Variants in RPAP2 observed in about 807,000 individuals in gnomAD.
The protein encoded by RPAP2 is putative RNA polymerase II subunit B1 CTD phosphatase RPAP2.
In RPAP2, 52 loss-of-function variants were observed where a neutral mutation model predicts 73.1. That is an observed-to-expected ratio of 0.71 (90% CI 0.57 to 0.90). The LOEUF is 0.90. Ranked by LOEUF, RPAP2 falls within the 40% of genes least tolerant of loss-of-function variation. The pLI, the probability that RPAP2 is intolerant of heterozygous loss-of-function variation, is 0.00. For missense variants in RPAP2, 598 were observed against 701.8 expected, an observed-to-expected ratio of 0.85 and a Z score of 1.67; for synonymous variants, 225 against 242.1, an observed-to-expected ratio of 0.93 and a Z score of 0.65.
Position 92,324,039 on chromosome 1 carries a change from T to C in RPAP2, c.1119T>C (p.Thr373=), listed in dbSNP as rs1472195864. 1 of 1,613,970 alleles carries C rather than the reference T, an allele frequency of 6.2e-7. No individual in the cohort carries two copies. The highest frequency in any genetic ancestry group is 8.5e-7 in the Non-Finnish European group (1 of 1,179,928). The part of the protein sequence containing the change: ...KRNLLKVLKE[T]LIEWKTEETL... ...ACTTACTTAAAGTTTTGAAGGAGAC[T>C]TTGATTGAGTGGAAGACAGAAGAAA... The change falls in exon 8 of 13, where the codon ACT becomes ACC. Residue 373 remains threonine (T), a synonymous_variant. Transcript: ENST00000610020.
In RPAP2 at chr1:92,390,216, C is replaced by T. The variant is rs1463440402; in HGVS notation, c.*3205C>T. 2.6e-5 allele frequency: 4 copies of T among 152,182 alleles called. No homozygotes were observed. The highest frequency in any genetic ancestry group is 7.2e-5 in the African/African-American group (3 of 41,454). The allele number at this position is 152,182 out of a possible 1,614,324, so 9.4% of individuals were successfully genotyped here. A position where few individuals can be genotyped will look rare whatever the true frequency, so the allele number is the denominator to read the frequency against. On this transcript the variant is annotated 3_prime_UTR_variant, in exon 13 of 13. Coordinates refer to ENST00000610020, the MANE Select transcript of RPAP2 (RefSeq NM_024813.3). ...GACCTCTGGGCAGAAACCCTACAAG[C>T]CAGAAGAGAATGGGGGCCAATATTC...
intron 11 of RPAP2, among the ~76,000 whole-genome samples, chr1:92,351,847 AT>A (rs1291598220): frequency 3.3e-5 from 5 of 152,096 alleles, no homozygotes; most frequent in African/African-American, 1.2e-4. Context: ...TTCCTCCCAA[AT>A]TTAATATAAA....
At chr1:92,347,568 A>C (rs72960815) in intron 11 of RPAP2, among the ~76,000 whole-genome samples, 8,064 of 152,268 alleles carry the variant, frequency 0.053, 570 homozygotes, top group African/African-American at 0.17. Context: ...CTGTTTTTGG[A>C]TTAAGTTTTT....
intron 11 of RPAP2, among the ~76,000 whole-genome samples, chr1:92,355,472 C>T (rs1251805824): frequency 1.3e-5 from 2 of 152,124 alleles, no homozygotes; most frequent in Non-Finnish European, 2.9e-5. Context: ...GTATATTTAG[C>T]ATAGGAAACA....
chr1:92,299,229 T>A, intron 1 of RPAP2, 83 bp downstream of exon 1: 1 of 819,318 alleles, frequency 1.2e-6, no homozygotes, highest in Non-Finnish European at 1.8e-6. Flanking sequence ...GCGCGGGCGC[T>A]CCTGAAAGGC....
At chr1:92,366,724 A>C (rs1654950883) in intron 11 of RPAP2, among the ~76,000 whole-genome samples, 1 of 152,226 alleles carries the variant, frequency 6.6e-6, no homozygotes, top group South Asian at 2.1e-4. Flanking sequence ...TCTAACATAC[A>C]GATAAAATTC....
intron 11 of RPAP2, among the ~76,000 whole-genome samples, chr1:92,358,850 G>T (rs1292842396): frequency 1.3e-5 from 2 of 152,142 alleles, no homozygotes; most frequent in Non-Finnish European, 2.9e-5. Context: ...GCCTCCCAAA[G>T]TGCTGGGATT....
At chr1:92,335,944 A>G (rs887321247) in intron 9 of RPAP2, among the ~76,000 whole-genome samples, 1 of 152,190 alleles carries the variant, frequency 6.6e-6, no homozygotes, top group South Asian at 2.1e-4. Flanking sequence ...ATTGCTTCCT[A>G]AAAAGGTACT....
At chr1:92,309,211 A>T (rs1557591369) in intron 6 of RPAP2, among the ~76,000 whole-genome samples, 1 of 152,080 alleles carries the variant, frequency 6.6e-6, no homozygotes. Context: ...TGGGAGGCCG[A>T]GGGGGGCAGA....
In RPAP2 at chr1:92,300,216, G is replaced by A; in HGVS notation, c.96G>A (p.Leu32=). Residue 32 remains leucine, a synonymous_variant, in exon 2 of 13, where the codon TTG becomes TTA. Coordinates refer to ENST00000610020, the MANE Select transcript of RPAP2 (RefSeq NM_024813.3). ...KAAGTKQTST[L]KQEDASKRKA... ...TAGGTACTAAACAGACAAGTACTTT[G>A]AAACAAGAAGATGCTTCTAAAAGGT... is the stretch of plus-strand genomic sequence containing the variant. 3.7e-6 allele frequency: 6 copies of A among 1,610,166 alleles called. No individual in the cohort carries two copies. The highest frequency in any genetic ancestry group is 5.1e-6 in the Non-Finnish European group (6 of 1,176,878).
chr1:92,344,686 A>T, intron 10 of RPAP2, among the ~76,000 whole-genome samples: 1 of 152,182 alleles, frequency 6.6e-6, no homozygotes, highest in East Asian at 1.9e-4. Flanking sequence ...CCAAATTGTC[A>T]TTCAATTGCT....
intron 12 of RPAP2, among the ~76,000 whole-genome samples, chr1:92,386,579 A>G (rs977554178): frequency 6.6e-6 from 1 of 152,162 alleles, no homozygotes; most frequent in Admixed American, 6.5e-5. Context: ...AGCTCAGTCT[A>G]CTCCACCCAA....
intron 11 of RPAP2, among the ~76,000 whole-genome samples, chr1:92,346,122 T>C (rs1023768661): frequency 9.2e-5 from 14 of 152,154 alleles, no homozygotes; most frequent in African/African-American, 3.4e-4. Flanking sequence ...TCTTTTCTTC[T>C]GAATACCTTA....
intron 7 of RPAP2, among the ~76,000 whole-genome samples, chr1:92,320,919 G>C (rs1043719872): frequency 6.6e-6 from 1 of 152,170 alleles, no homozygotes; most frequent in African/African-American, 2.4e-5. Context: ...CAGATACCAT[G>C]CTTCTTTGTC....
At chr1:92,306,496 C>A (rs1651244311) in intron 5 of RPAP2, among the ~76,000 whole-genome samples, 1 of 152,104 alleles carries the variant, frequency 6.6e-6, no homozygotes, top group South Asian at 2.1e-4. Context: ...AATACTCTAA[C>A]AATGGAATGT....
intron 11 of RPAP2, among the ~76,000 whole-genome samples, chr1:92,361,864 C>CA (rs1386679847): frequency 6.6e-6 from 1 of 150,918 alleles, no homozygotes; most frequent in Non-Finnish European, 1.5e-5. Flanking sequence ...TGTGGACTGA[C>CA]AAAATAGAAG....
chr1:92,323,380 C>A, intron 7 of RPAP2, 65 bp from the exon 8 acceptor site: 1 of 1,202,424 alleles, frequency 8.3e-7, no homozygotes. Flanking sequence ...CTTTACTTTT[C>A]TATTGTTTTC....
chr1:92,345,379 T>TAAAAAA (rs57025975), intron 10 of RPAP2, among the ~76,000 whole-genome samples: 5 of 73,770 alleles, frequency 6.8e-5, no homozygotes, highest in Admixed American at 1.8e-4. Context: ...CCCGTTTCTT[T>TAAAAAA]AAAAAAAAAA....
intron 11 of RPAP2, 105 bp from the exon 12 acceptor site, chr1:92,380,615 CAAAG>C (rs1655588398): frequency 1.4e-6 from 1 of 696,332 alleles, no homozygotes; most frequent in Non-Finnish European, 2.2e-6. Flanking sequence ...TTAGTTAAAT[CAAAG>C]AGACTTTATT....
Sources: gnomAD v4.1 joint callset for allele counts (sites outside exome capture counted in the v4.1 genomes callset) on GRCh38, gnomAD v4.1.1 for gene constraint, MANE v1.5 for transcripts, NCBI Gene and HGNC (gene_info 2026-07-23, HGNC 2026-07-21) for gene names.